Variants in BLOC1S3 observed in about 807,000 individuals in gnomAD.
BLOC1S3 encodes the protein biogenesis of lysosomal organelles complex 1 subunit 3.
In BLOC1S3, 7 loss-of-function variants were observed where a neutral mutation model predicts 9.1. The observed-to-expected ratio is 0.77, with a 90% confidence interval of 0.44 to 1.45. The LOEUF (loss-of-function observed/expected upper bound fraction) is 1.45. Ranked by LOEUF, BLOC1S3 falls within the 40% of genes most tolerant of loss-of-function variation. The pLI is 0.01. For synonymous variants in BLOC1S3, 145 were observed against 158.4 expected, an observed-to-expected ratio of 0.92 and a Z score of 0.64; for missense variants, 307 against 315.2, an observed-to-expected ratio of 0.97 and a Z score of 0.20.
chr19:45,183,623 C>CTTTTTTTTTTTTTTTTTTT (rs57651816), downstream of BLOC1S3, among the ~76,000 whole-genome samples: 10 of 105,112 alleles, frequency 9.5e-5, no homozygotes, highest in African/African-American at 2.9e-4. Context: ...CTTTTCTTTT[C>CTTTTTTTTTTTTTTTTTTT]TTTTTTTTTT....
At chr19:45,211,438 G>A (rs1969769657) in intron 3 of BLOC1S3, among the ~76,000 whole-genome samples, 1 of 151,610 alleles carries the variant, frequency 6.6e-6, no homozygotes, top group African/African-American at 2.4e-5. Context: ...TTGAACCTGG[G>A]AGGTGGAGGT....
At position 45,179,549 on chromosome 19, in the gene BLOC1S3, G is replaced by T. The variant is rs1038501399; in HGVS notation, c.253G>T (p.Val85Leu). ...AAPRDLPPLV[V>L]QRESAEEAWG... ...GCCGAGGGACCTGCCTCCACTCGTG[G>T]TGCAGCGGGAATCGGCGGAGGAGGC... The change falls in exon 2 of 2, where the codon GTG (valine) becomes TTG (leucine). Residue 85 changes from valine to leucine, a missense_variant. Coordinates refer to ENST00000433642, the MANE Select transcript of BLOC1S3 (RefSeq NM_212550.5). The surrounding 1 kb of genome is among the most constrained non-coding windows in gnomAD (Gnocchi z 4.6). 3 of 1,519,538 alleles carry T rather than the reference G, an allele frequency of 2.0e-6. No individual in the cohort carries two copies. In the African/African-American group the frequency reaches 4.3e-5, roughly 22 times the overall value. The allele number at this position is 1,519,538 out of a possible 1,614,324, so 94.1% of individuals were successfully genotyped here. A position where few individuals can be genotyped will look rare whatever the true frequency, so the allele number is the denominator to read the frequency against.
At position 45,207,724 on chromosome 19, in the gene BLOC1S3, G is replaced by A. The variant is rs527583373; in HGVS notation, n.282+5217G>A. On this transcript the variant is annotated intron_variant and non_coding_transcript_variant, in intron 3 of 3. Transcript: ENST00000591569. Reference sequence around the variant, plus strand: ...TGCACCCCAGCCTGGGAGACAGAGCGAGACTCCATCTCAAAAAATTAAAAA... The same window carrying A: ...TGCACCCCAGCCTGGGAGACAGAGCAAGACTCCATCTCAAAAAATTAAAAA... 1.4e-3 allele frequency among the ~76,000 whole-genome samples: 212 copies of A among 151,996 alleles called. 1 individual carries two copies. Among genetic ancestry groups the A allele is most frequent in the Non-Finnish European group, 2.4e-3 (160 of 67,966 alleles).
intron 2 of BLOC1S3, among the ~76,000 whole-genome samples, chr19:45,196,655 G>A (rs993299196): frequency 1.3e-5 from 2 of 152,120 alleles, no homozygotes; most frequent in African/African-American, 4.8e-5. Flanking sequence ...CACTTTGGGA[G>A]GCCGAGGCGG....
At chr19:45,214,759 C>T (rs1478742042) in intron 3 of BLOC1S3, among the ~76,000 whole-genome samples, 3 of 151,998 alleles carry the variant, frequency 2.0e-5, no homozygotes, top group African/African-American at 7.2e-5. Context: ...GCCACCATGC[C>T]CGGCCGATCT....
At chr19:45,213,047 A>G (rs754495556) in intron 3 of BLOC1S3, 4 of 1,464,274 alleles carry the variant, frequency 2.7e-6, no homozygotes, top group Middle Eastern at 2.5e-4. Flanking sequence ...TGGGGTCACT[A>G]AGGCCGGCGG....
chr19:45,211,694 G>A (rs1046657152), intron 3 of BLOC1S3, among the ~76,000 whole-genome samples: 5 of 151,574 alleles, frequency 3.3e-5, no homozygotes, highest in African/African-American at 4.8e-5. Flanking sequence ...CTTGGGCTCC[G>A]AGAGTCCCTC....
chr19:45,208,759 GAA>G (rs200533129), intron 3 of BLOC1S3, among the ~76,000 whole-genome samples: 2 of 95,872 alleles, frequency 2.1e-5, no homozygotes, highest in African/African-American at 3.7e-5. Flanking sequence ...ATCTCAGAAA[GAA>G]AAAAAAAAAA....
At chr19:45,182,879 G>C (rs1371256942), downstream of BLOC1S3, among the ~76,000 whole-genome samples, 1 of 152,092 alleles carries the variant, frequency 6.6e-6, no homozygotes, top group Non-Finnish European at 1.5e-5. Flanking sequence ...AGAAGTAAAG[G>C]AGCTTTATGA....
rs1969494036 is a variant in BLOC1S3 at position 45,180,024 on chromosome 19, C to A, written c.*119C>A. 8.4e-7 allele frequency: 1 copy of A among 1,191,244 alleles called. No homozygotes were observed. Among genetic ancestry groups the A allele is most frequent in the Non-Finnish European group, 1.2e-6 (1 of 850,228 alleles). 73.8% of individuals were successfully genotyped at this position (1,191,244 alleles called of 1,614,324 possible). A position where few individuals can be genotyped will look rare whatever the true frequency, so the allele number is the denominator to read the frequency against. On this transcript the variant is annotated 3_prime_UTR_variant, in exon 2 of 2. Coordinates refer to ENST00000433642, the MANE Select transcript of BLOC1S3 (RefSeq NM_212550.5). ...CACCCCCGCTCCCATCTTGGTGTCACCCATGGGGGCTAATCCGGTCCCCTT... is the reference window on the plus strand; with the variant it reads ...CACCCCCGCTCCCATCTTGGTGTCAACCATGGGGGCTAATCCGGTCCCCTT...
chr19:45,207,858 TG>T (rs1380567529), intron 3 of BLOC1S3, among the ~76,000 whole-genome samples: 1 of 152,162 alleles, frequency 6.6e-6, no homozygotes, highest in Non-Finnish European at 1.5e-5. Context: ...CCAGTGAAAT[TG>T]GAAGATTAAG....
rs1054281226 is a variant in BLOC1S3 at position 45,206,450 on chromosome 19, G to GTT, written n.282+3965_282+3966dup. 3.0e-3 allele frequency among the ~76,000 whole-genome samples: 165 copies of GTT among 55,128 alleles called. 10 individuals carry two copies. The highest frequency in any genetic ancestry group is 5.6e-3 in the African/African-American group (59 of 10,620). The allele number at this position is 55,128 out of a possible 152,430, so 36.2% of individuals were successfully genotyped here. On this transcript the variant is annotated intron_variant and non_coding_transcript_variant, in intron 3 of 3. Coordinates refer to the BLOC1S3 transcript ENST00000591569. Reference sequence around the variant, plus strand: ...TTCCACCTTCTTTTGGATTAATCAAGTTTTTTTTTTTTTTTTTTTTTTTGA... The same window carrying GTT: ...TTCCACCTTCTTTTGGATTAATCAAGTTTTTTTTTTTTTTTTTTTTTTTTTGA...
intron 2 of BLOC1S3, among the ~76,000 whole-genome samples, chr19:45,192,132 A>C (rs1969611225): frequency 6.6e-6 from 1 of 152,214 alleles, no homozygotes; most frequent in Non-Finnish European, 1.5e-5. Flanking sequence ...GCTGGCACAC[A>C]AGCCACAAGA....
intron 3 of BLOC1S3, among the ~76,000 whole-genome samples, chr19:45,206,945 C>G (rs1223323407): frequency 6.6e-6 from 1 of 151,866 alleles, no homozygotes; most frequent in African/African-American, 2.4e-5. Flanking sequence ...TCAACTGATT[C>G]CCCTGCCTCA....
chr19:45,211,018 G>A (rs568098341), intron 3 of BLOC1S3, among the ~76,000 whole-genome samples: 2 of 152,232 alleles, frequency 1.3e-5, no homozygotes, highest in South Asian at 2.1e-4. Flanking sequence ...AGGCTGAGGT[G>A]GGAGGATCAC....
intron 2 of BLOC1S3, among the ~76,000 whole-genome samples, chr19:45,196,818 G>C (rs1447558330): frequency 6.6e-6 from 1 of 151,342 alleles, no homozygotes; most frequent in Non-Finnish European, 1.5e-5. Flanking sequence ...GGAGAATGGC[G>C]TGAACCTGGG....
At chr19:45,203,266 AT>A (rs1969704543) in intron 3 of BLOC1S3, among the ~76,000 whole-genome samples, 2 of 19,370 alleles carry the variant, frequency 1.0e-4, no homozygotes, top group Non-Finnish European at 1.8e-4. Flanking sequence ...TTTCAAGTTT[AT>A]TTATTTATTT....
intron 3 of BLOC1S3, among the ~76,000 whole-genome samples, chr19:45,208,820 C>T (rs1415217049): frequency 1.3e-5 from 2 of 149,450 alleles, no homozygotes; most frequent in African/African-American, 4.9e-5. Flanking sequence ...AAGAAGAAAT[C>T]AAAAGAGAAA....
chr19:45,180,171 G>A lies in BLOC1S3; in HGVS notation c.*266G>A. 2 of 409,966 alleles carry A rather than the reference G, an allele frequency of 4.9e-6. No individual in the cohort carries two copies. Among genetic ancestry groups the A allele is most frequent in the Non-Finnish European group, 8.9e-6 (2 of 223,606 alleles). The allele number at this position is 409,966 out of a possible 1,614,324, so 25.4% of individuals were successfully genotyped here. A position where few individuals can be genotyped will look rare whatever the true frequency, so the allele number is the denominator to read the frequency against. On this transcript the variant is annotated 3_prime_UTR_variant, in exon 2 of 2. Transcript: ENST00000433642. Reference sequence around the variant, plus strand: ...CGCCTGGTTCTGAGCCTTCCCCTGGGGCTTGGCTCCAGCCTTTGTTACATA... The same window carrying A: ...CGCCTGGTTCTGAGCCTTCCCCTGGAGCTTGGCTCCAGCCTTTGTTACATA...
Sources: allele counts gnomAD v4.1 joint callset (sites outside exome capture counted in the v4.1 genomes callset), GRCh38; gene constraint gnomAD v4.1.1; non-coding constraint Gnocchi (gnomAD v3.1); transcripts MANE v1.5; gene names NCBI Gene and HGNC (gene_info 2026-07-23, HGNC 2026-07-21).